The following GPM6B variants were observed in gnomAD, a reference collection of about 807,000 sequenced individuals.
The protein encoded by GPM6B is glycoprotein M6B.
In GPM6B, 4 loss-of-function variants were observed where a neutral mutation model predicts 27.2. That is an observed-to-expected ratio of 0.15 (90% CI 0.07 to 0.34). GPM6B has a LOEUF of 0.34. GPM6B is among the 10% of genes least tolerant of loss of function. GPM6B has a pLI of 1.00. For synonymous variants in GPM6B, 124 were observed against 103.1 expected (o/e 1.20, Z -1.23); for missense variants, 183 against 261.9 (o/e 0.70, Z 2.08).
At chrX:13,824,798 G>A in intron 1 of GPM6B, among the ~76,000 whole-genome samples, 1 of 112,014 alleles carries the variant, frequency 8.9e-6, no homozygotes, top group Non-Finnish European at 1.9e-5. Context: ...TTGGTTTTCT[G>A]GGGCTGCCAG....
intron 3 of GPM6B, chrX:13,783,765 C>T (rs976343501): frequency 4.4e-6 from 2 of 458,560 alleles, no homozygotes; most frequent in Non-Finnish European, 7.9e-6. Context: ...CAGTTGTAAT[C>T]TTTTAATCCT....
chrX:13,811,445 G>A (rs755904155), intron 1 of GPM6B, among the ~76,000 whole-genome samples: 28 of 112,197 alleles, frequency 2.5e-4, no homozygotes, highest in Non-Finnish European at 4.5e-4. Context: ...GTCTTTCAAA[G>A]CTATATTTGT....
chrX:13,783,470 C>T lies in GPM6B; in HGVS notation c.420G>A (p.Leu140=). The T allele has an allele frequency of 3.3e-6, 4 of 1,204,531 alleles. No individual in the cohort carries two copies. Among genetic ancestry groups the T allele is most frequent in the Non-Finnish European group, 4.5e-6 (4 of 890,015 alleles). Residue 140 remains leucine, a synonymous_variant, in exon 4 of 8, where the codon TTG becomes TTA. Coordinates refer to ENST00000316715, the MANE Select transcript of GPM6B (RefSeq NM_001001995.3). ...CTTCTGCCAACAGAATGATCCCATACAAGAAGAAAAAGGACGCAATTCCAT... is the reference window on the plus strand; with the variant it reads ...CTTCTGCCAACAGAATGATCCCATATAAGAAGAAAAAGGACGCAATTCCAT... ...VIYGIASFFF[L]YGIILLAEGF... is the part of the protein sequence containing the mutation.
At chrX:13,875,547 C>T (rs921452360) in intron 1 of GPM6B, among the ~76,000 whole-genome samples, 1 of 111,933 alleles carries the variant, frequency 8.9e-6, no homozygotes, top group African/African-American at 3.2e-5. Context: ...GAATTGAAAA[C>T]AGGTGCTCAA....
chrX:13,934,864 G>A (rs2050781451), intron 1 of GPM6B, among the ~76,000 whole-genome samples: 1 of 111,489 alleles, frequency 9.0e-6, no homozygotes, highest in Admixed American at 9.5e-5. Context: ...GCAAGCTGGG[G>A]CAGGCACCAG....
intron 1 of GPM6B, among the ~76,000 whole-genome samples, chrX:13,871,120 A>C (rs1056031951): frequency 9.1e-6 from 1 of 109,966 alleles, no homozygotes; most frequent in Non-Finnish European, 1.9e-5. Context: ...AAAACAAAAA[A>C]AAAAGAAGTT....
intron 1 of GPM6B, among the ~76,000 whole-genome samples, chrX:13,926,574 A>C (rs1372404546): frequency 1.8e-5 from 2 of 112,355 alleles, no homozygotes; most frequent in Admixed American, 9.5e-5. Flanking sequence ...CAGAGATGCC[A>C]AAACAGATCA....
intron 4 of GPM6B, among the ~76,000 whole-genome samples, chrX:13,782,280 G>A (rs2147122788): frequency 8.9e-6 from 1 of 111,744 alleles, no homozygotes; most frequent in Admixed American, 9.5e-5. Context: ...TAGGTGGGCT[G>A]TGGATCCCTC....
chrX:13,853,208 T>C (rs182647748), intron 1 of GPM6B, among the ~76,000 whole-genome samples: 1 of 111,409 alleles, frequency 9.0e-6, no homozygotes, highest in East Asian at 2.8e-4. Context: ...GACCACCCCA[T>C]GTTCTGAGAT....
intron 1 of GPM6B, among the ~76,000 whole-genome samples, chrX:13,873,036 A>G (rs2049996528): frequency 9.0e-6 from 1 of 111,565 alleles, no homozygotes; most frequent in Non-Finnish European, 1.9e-5. Context: ...TGGAAGTGGG[A>G]TATCAAGAAA....
chrX:13,863,167 C>T (rs1316250036), intron 1 of GPM6B, among the ~76,000 whole-genome samples: 1 of 111,941 alleles, frequency 8.9e-6, no homozygotes, highest in Non-Finnish European at 1.9e-5. Context: ...GGGTCTTGAA[C>T]ATTTTTACAT....
At chrX:13,862,960 G>C (rs2049870127) in intron 1 of GPM6B, among the ~76,000 whole-genome samples, 1 of 110,216 alleles carries the variant, frequency 9.1e-6, no homozygotes, top group South Asian at 3.9e-4. Context: ...GTCTCCCAAA[G>C]TGCTGGGATT....
chrX:13,915,024 T>C (rs144412891), intron 1 of GPM6B, among the ~76,000 whole-genome samples: 2,599 of 110,593 alleles, frequency 0.024, 81 homozygotes, highest in East Asian at 0.21. Flanking sequence ...TCCCAGCACT[T>C]TGGGAGGCCA....
intron 1 of GPM6B, among the ~76,000 whole-genome samples, chrX:13,812,198 C>T (rs1417654918): frequency 3.7e-5 from 4 of 108,446 alleles, no homozygotes; most frequent in East Asian, 2.9e-4. Context: ...TACAGGCACA[C>T]ACCACCACGC....
chrX:13,905,607 G>T (rs1353322393), intron 1 of GPM6B, among the ~76,000 whole-genome samples: 1 of 111,506 alleles, frequency 9.0e-6, no homozygotes, highest in Non-Finnish European at 1.9e-5. Flanking sequence ...CCGCCTCCAA[G>T]AAGGAGTTTT....
chrX:13,903,381 T>C (rs1181067968), intron 1 of GPM6B, among the ~76,000 whole-genome samples: 1 of 112,147 alleles, frequency 8.9e-6, no homozygotes, highest in Non-Finnish European at 1.9e-5. Context: ...TTAGAGTCAG[T>C]ATATTATTTA....
chrX:13,907,232 C>A (rs2050339090), intron 1 of GPM6B, among the ~76,000 whole-genome samples: 1 of 112,388 alleles, frequency 8.9e-6, no homozygotes, highest in Non-Finnish European at 1.9e-5. Flanking sequence ...ACATTCCCTA[C>A]ATCTTTTCAT....
At chrX:13,848,821 G>A (rs2049680647) in intron 1 of GPM6B, among the ~76,000 whole-genome samples, 1 of 112,183 alleles carries the variant, frequency 8.9e-6, no homozygotes, top group East Asian at 2.8e-4. Flanking sequence ...TCCATCAACT[G>A]GTACATGGAT....
chrX:13,907,602 G>A (rs1193105320), intron 1 of GPM6B, among the ~76,000 whole-genome samples: 4 of 108,830 alleles, frequency 3.7e-5, no homozygotes, highest in African/African-American at 1.0e-4. Context: ...CCCGGGAGGC[G>A]GAGGTTGCAG....
Sources: allele counts gnomAD v4.1 joint callset (sites outside exome capture counted in the v4.1 genomes callset), GRCh38; gene constraint gnomAD v4.1.1; transcripts MANE v1.5; gene names NCBI Gene and HGNC (gene_info 2026-07-23, HGNC 2026-07-21).